The following IRF2 variants were observed in gnomAD, a reference collection of about 807,000 sequenced individuals.
IRF2 encodes interferon regulatory factor 2.
A neutral mutation model predicts 40.6 loss-of-function variants in IRF2; 15 were observed. The observed-to-expected ratio is 0.37, with a 90% CI of 0.25 to 0.57. The LOEUF (loss-of-function observed/expected upper bound fraction) is 0.57. Among genes scored for constraint, IRF2 ranks in the 20% least tolerant of loss-of-function variants. The pLI is 0.77. For synonymous variants in IRF2, 151 were observed against 165.5 expected (o/e 0.91, Z 0.67); for missense variants, 317 against 455.7 (o/e 0.70, Z 2.77).
chr4:184,393,830 T>C (rs1342579643), intron 7 of IRF2, among the ~76,000 whole-genome samples: 4 of 152,162 alleles, frequency 2.6e-5, no homozygotes, highest in African/African-American at 7.2e-5. Context: ...AGCAGTTCTC[T>C]CTGTGACCCC....
At chr4:184,451,670 T>C (rs1029569302) in intron 1 of IRF2, among the ~76,000 whole-genome samples, 3 of 152,154 alleles carry the variant, frequency 2.0e-5, no homozygotes, top group Non-Finnish European at 4.4e-5. Flanking sequence ...TCCTGAAACA[T>C]AAATGCTAGG....
chr4:184,446,912 C>T (rs975519280), intron 1 of IRF2, among the ~76,000 whole-genome samples: 3 of 151,872 alleles, frequency 2.0e-5, no homozygotes, highest in African/African-American at 7.3e-5. Context: ...GCCAAGATCG[C>T]GCCATTGCAC....
chr4:184,407,945 C>T (rs894691932), intron 6 of IRF2, among the ~76,000 whole-genome samples: 5 of 151,250 alleles, frequency 3.3e-5, no homozygotes, highest in African/African-American at 9.8e-5. Context: ...CCCCAGCCTT[C>T]TTCCACGGAG....
At chr4:184,417,821 A>T (rs1232348244) in intron 5 of IRF2, among the ~76,000 whole-genome samples, 1 of 149,670 alleles carries the variant, frequency 6.7e-6, no homozygotes, top group Non-Finnish European at 1.5e-5. Flanking sequence ...ATAGCCTGAA[A>T]ATATACTTAA....
At chr4:184,391,067 C>T (rs929955382) in intron 7 of IRF2, among the ~76,000 whole-genome samples, 6 of 152,236 alleles carry the variant, frequency 3.9e-5, no homozygotes, top group Admixed American at 3.9e-4. Context: ...CCACATGGGT[C>T]CTGTCTTTCA....
chr4:184,435,525 C>A (rs373959926), intron 1 of IRF2, among the ~76,000 whole-genome samples: 3 of 152,124 alleles, frequency 2.0e-5, no homozygotes, highest in East Asian at 3.8e-4. Context: ...TTTTTAAAAT[C>A]CATTTAAATG....
intron 7 of IRF2, among the ~76,000 whole-genome samples, chr4:184,398,605 G>A (rs1168343510): frequency 6.6e-6 from 1 of 151,160 alleles, no homozygotes; most frequent in Non-Finnish European, 1.5e-5. Context: ...ACAGTGAGCC[G>A]AGATCATCCC....
At chr4:184,440,453 G>A (rs926251072) in intron 1 of IRF2, among the ~76,000 whole-genome samples, 3 of 152,216 alleles carry the variant, frequency 2.0e-5, no homozygotes, top group African/African-American at 7.2e-5. Flanking sequence ...CCAGCTCCAG[G>A]GGCCTCCCCG....
At position 184,388,671 on chromosome 4, in the gene IRF2, TAGGTGTC is replaced by T. The variant is rs1736139850; in HGVS notation, c.*80_*86del. 1 of 1,329,384 alleles carries T rather than the reference TAGGTGTC, an allele frequency of 7.5e-7. No individual in the cohort carries two copies. The highest frequency in any genetic ancestry group is 1.5e-5 in the African/African-American group (1 of 67,408). 82.3% of individuals were successfully genotyped at this position (1,329,384 alleles called of 1,614,324 possible). ...CTTTTTCCCTTAGATTTGTCTAAAA[TAGGTGTC>T]AGAGAGAAAAAAATAAAATACAAAC... is the stretch of plus-strand genomic sequence containing the variant. On this transcript the variant is annotated 3_prime_UTR_variant, in exon 9 of 9. Coordinates refer to ENST00000393593, the MANE Select transcript of IRF2 (RefSeq NM_002199.4). This position sits in a 1 kb window ranked among gnomAD's most constrained non-coding sequence, Gnocchi z 4.6.
chr4:184,403,693 A>G (rs1252570783), intron 6 of IRF2, among the ~76,000 whole-genome samples: 1 of 152,250 alleles, frequency 6.6e-6, no homozygotes, highest in Non-Finnish European at 1.5e-5. Flanking sequence ...GAGAGAGTTA[A>G]TGAAGTCCAA....
chr4:184,442,532 A>G (rs528312157), intron 1 of IRF2, among the ~76,000 whole-genome samples: 45 of 152,336 alleles, frequency 3.0e-4, no homozygotes, highest in African/African-American at 1.1e-3. Context: ...GAACTATTTC[A>G]GAAGCACAAG....
At chr4:184,417,655 A>C (rs933968104) in intron 5 of IRF2, among the ~76,000 whole-genome samples, 2 of 152,246 alleles carry the variant, frequency 1.3e-5, no homozygotes, top group African/African-American at 4.8e-5. Flanking sequence ...ATGATTCTAC[A>C]GTGGACAGAA....
intron 6 of IRF2, among the ~76,000 whole-genome samples, chr4:184,406,673 C>T (rs558215248): frequency 2.2e-4 from 34 of 152,288 alleles, no homozygotes; most frequent in Admixed American, 2.0e-3. Flanking sequence ...CCTGAAACCA[C>T]GGCAAGTGCT....
chr4:184,426,085 C>T (rs1737663281), intron 2 of IRF2, among the ~76,000 whole-genome samples: 1 of 152,102 alleles, frequency 6.6e-6, no homozygotes, highest in Admixed American at 6.6e-5. Context: ...CACGCAACCT[C>T]CACCACTGCA....
At chr4:184,400,377 T>C (rs1736624139) in intron 6 of IRF2, among the ~76,000 whole-genome samples, 1 of 152,154 alleles carries the variant, frequency 6.6e-6, no homozygotes, top group South Asian at 2.1e-4. Context: ...GTCACCCAAG[T>C]TGTTGTGTGT....
intron 7 of IRF2, among the ~76,000 whole-genome samples, chr4:184,395,670 C>T (rs867539551): frequency 6.6e-6 from 1 of 152,310 alleles, no homozygotes; most frequent in East Asian, 1.9e-4. Context: ...ACATCAGCAG[C>T]GATGGAACAT....
intron 6 of IRF2, among the ~76,000 whole-genome samples, chr4:184,403,064 C>A (rs1736725297): frequency 1.3e-5 from 2 of 152,142 alleles, no homozygotes; most frequent in Admixed American, 1.3e-4. Flanking sequence ...AATATAATTA[C>A]GTTATCTCTC....
intron 1 of IRF2, among the ~76,000 whole-genome samples, chr4:184,464,998 T>C (rs964734817): frequency 6.6e-6 from 1 of 152,174 alleles, no homozygotes; most frequent in Non-Finnish European, 1.5e-5. Flanking sequence ...CCTGACACAA[T>C]AGTGTCACTC....
Position 184,424,063 on chromosome 4 carries a change from TACAC to T in IRF2, c.88-4499_88-4496del, listed in dbSNP as rs5864888. Among the ~76,000 whole-genome samples the T allele has an allele frequency of 4.8e-3, 717 of 150,784 alleles. 7 individuals are homozygous for T. The highest frequency in any genetic ancestry group is 7.4e-3 in the Admixed American group (112 of 15,196). On this transcript the variant is annotated intron_variant, in intron 2 of 8. Coordinates refer to ENST00000393593, the MANE Select transcript of IRF2 (RefSeq NM_002199.4). ...CTTTAATATACCAGATACACACAGA[TACAC>T]ACACACACACACACACAAAGATAAG...
Sources: allele counts gnomAD v4.1 joint callset (sites outside exome capture counted in the v4.1 genomes callset), GRCh38; gene constraint gnomAD v4.1.1; non-coding constraint Gnocchi (gnomAD v3.1); transcripts MANE v1.5; gene names NCBI Gene and HGNC (gene_info 2026-07-23, HGNC 2026-07-21).